DCC: variants seen among roughly 807,000 people sequenced by gnomAD.
DCC encodes netrin receptor DCC.
A neutral mutation model predicts 172.5 loss-of-function variants in DCC; 58 were observed. That is an observed-to-expected ratio of 0.34 (90% CI 0.27 to 0.42). The LOEUF is 0.42. Among genes scored for constraint, DCC ranks in the 10% least tolerant of loss-of-function variants. The pLI, the probability that DCC is intolerant of heterozygous loss-of-function variation, is 1.00. For missense variants in DCC, 1,740 were observed against 1,791.0 expected (o/e 0.97, Z 0.51); for synonymous variants, 709 against 644.5 (o/e 1.10, Z -1.52).
intron 15 of DCC, among the ~76,000 whole-genome samples, chr18:53,345,079 G>A (rs542599985): frequency 1.9e-3 from 289 of 151,600 alleles, no homozygotes; most frequent in African/African-American, 6.8e-3. Flanking sequence ...AAACATAGCT[G>A]TGTCCTAATA....
chr18:52,611,586 A>T (rs1057135568), intron 1 of DCC, among the ~76,000 whole-genome samples: 1 of 152,172 alleles, frequency 6.6e-6, no homozygotes, highest in Non-Finnish European at 1.5e-5. Flanking sequence ...TTAGATCTTC[A>T]TGTTGGGTGT....
intron 2 of DCC, among the ~76,000 whole-genome samples, chr18:52,903,780 T>C (rs1209158276): frequency 3.3e-5 from 5 of 152,242 alleles, no homozygotes; most frequent in Non-Finnish European, 5.9e-5. Flanking sequence ...TATCTGTCAC[T>C]ACTCATTGCA....
chr18:52,866,864 C>G (rs553143617), intron 2 of DCC, among the ~76,000 whole-genome samples: 70 of 152,176 alleles, frequency 4.6e-4, no homozygotes, highest in Non-Finnish European at 8.7e-4. Context: ...ATTTGAATAC[C>G]CTTTATTTTT....
At chr18:52,495,872 C>T (rs185991694) in intron 1 of DCC, among the ~76,000 whole-genome samples, 35 of 151,778 alleles carry the variant, frequency 2.3e-4, no homozygotes, top group African/African-American at 7.7e-4. Context: ...CTAACCCTGG[C>T]TGTCCGATGC....
At chr18:53,128,190 C>T (rs1200584388) in intron 7 of DCC, among the ~76,000 whole-genome samples, 1 of 152,064 alleles carries the variant, frequency 6.6e-6, no homozygotes. Flanking sequence ...TCTCACTTAC[C>T]TTAGTACGAA....
At chr18:52,542,864 A>T (rs2032501858) in intron 1 of DCC, among the ~76,000 whole-genome samples, 3 of 152,248 alleles carry the variant, frequency 2.0e-5, no homozygotes, top group South Asian at 4.1e-4. Context: ...TAGGAACAGG[A>T]TTGCAGATTT....
At position 52,908,029 on chromosome 18, in the gene DCC, C is replaced by T. The variant is rs193056291; in HGVS notation, c.697+1701C>T. On this transcript the variant is annotated intron_variant, in intron 3 of 28. Transcript: ENST00000442544. ...TTCTCTTTTAGCCGAACTTGTAAGA[C>T]TGACTTAGACGCTCTTGTGAGAATC... 4.0e-3 allele frequency among the ~76,000 whole-genome samples: 608 copies of T among 152,280 alleles called. 22 individuals carry two copies. Among genetic ancestry groups the T allele is most frequent in the Admixed American group, 0.037 (562 of 15,292 alleles).
At chr18:53,275,601 G>A (rs2056796048) in intron 12 of DCC, among the ~76,000 whole-genome samples, 1 of 151,966 alleles carries the variant, frequency 6.6e-6, no homozygotes, top group African/African-American at 2.4e-5. Context: ...TGCATTCGTA[G>A]TCAAGTAAAC....
At chr18:52,531,516 T>A (rs56332604) in intron 1 of DCC, among the ~76,000 whole-genome samples, 4,771 of 152,286 alleles carry the variant, frequency 0.031, 157 homozygotes, top group East Asian at 0.094. Flanking sequence ...TAAAAATATC[T>A]AACTTCTTTG....
intron 2 of DCC, among the ~76,000 whole-genome samples, chr18:52,838,639 C>A (rs1291532513): frequency 6.6e-6 from 1 of 152,084 alleles, no homozygotes; most frequent in Non-Finnish European, 1.5e-5. Context: ...TTACTATGAA[C>A]CAGATATTTG....
Position 53,499,502 on chromosome 18 carries a change from C to T in DCC, c.4103C>T (p.Ser1368Phe), listed in dbSNP as rs956586113. The change falls in exon 27 of 29, where the codon TCT becomes TTT. Residue 1368 changes from serine to phenylalanine, a missense_variant. Around this residue, in one of 2 missense-constraint regions of DCC, gnomAD observed 1,732 missense variants for 1,767.4 expected, o/e 0.98. Coordinates refer to ENST00000442544, the MANE Select transcript of DCC (RefSeq NM_005215.4). ...EPKVPYTPLL[S>F]QPGPTLPKTH... is the part of the protein sequence containing the mutation. ...AAAGTCCCTTACACACCACTTTTGT[C>T]TCAGCCAGGTAAAGTACTCGGTTGT... 6.2e-7 allele frequency: 1 copy of T among 1,613,224 alleles called. No individual in the cohort carries two copies. The highest frequency in any genetic ancestry group is 1.3e-5 in the African/African-American group (1 of 74,902).
At chr18:53,478,975 C>T (rs768347753) in intron 25 of DCC, among the ~76,000 whole-genome samples, 14 of 152,174 alleles carry the variant, frequency 9.2e-5, no homozygotes, top group Non-Finnish European at 1.8e-4. Flanking sequence ...TAAGATTGGT[C>T]CCAGCTCAAT....
intron 1 of DCC, among the ~76,000 whole-genome samples, chr18:52,498,610 C>A (rs963229379): frequency 1.3e-5 from 2 of 151,822 alleles, no homozygotes; most frequent in African/African-American, 4.8e-5. Flanking sequence ...GGACACAGAG[C>A]GAGACTCTGT....
rs1046427424 is a variant in DCC, at chr18:52,780,509, G to A, written c.412+28135G>A. Among the ~76,000 whole-genome samples, 9 of 152,104 alleles carry A rather than the reference G, an allele frequency of 5.9e-5. No homozygotes were observed. In the East Asian group the frequency reaches 1.7e-3, roughly 29 times the overall value. On this transcript the variant is annotated intron_variant, in intron 2 of 28. Transcript: ENST00000442544. ...AGGCATTCACATTTACTTAATCTAA[G>A]TTTTATATGACACAGGAACCTTTAG...
intron 12 of DCC, among the ~76,000 whole-genome samples, chr18:53,230,835 T>C (rs891625075): frequency 1.3e-5 from 2 of 152,086 alleles, no homozygotes; most frequent in African/African-American, 4.8e-5. Flanking sequence ...GATTGATTTT[T>C]CTCTATAGTT....
At chr18:53,259,868 C>G (rs574087998) in intron 12 of DCC, among the ~76,000 whole-genome samples, 4 of 152,032 alleles carry the variant, frequency 2.6e-5, no homozygotes, top group Non-Finnish European at 5.9e-5. Flanking sequence ...TAGATTTGGT[C>G]TTTTCACATA....
intron 1 of DCC, among the ~76,000 whole-genome samples, chr18:52,463,457 C>T (rs1988692751): frequency 6.6e-6 from 1 of 152,132 alleles, no homozygotes; most frequent in South Asian, 2.1e-4. Flanking sequence ...ATGTATTAAG[C>T]ACATACTAAG....
chr18:53,317,974 A>C lies in DCC; in HGVS notation c.2054-4073A>C, dbSNP rs190965089. ...TTTTTGAAGGGTTTTTTGTGTCTCT[A>C]TCTCCTTCATTTCTGCTCTGATCTT... On this transcript the variant is annotated intron_variant, in intron 13 of 28. Transcript: ENST00000442544. 5.0e-5 allele frequency among the ~76,000 whole-genome samples: 7 copies of C among 141,148 alleles called. No homozygotes were observed. The East Asian group carries it at 1.6e-3, about 31-fold the overall frequency. 92.6% of individuals were successfully genotyped at this position (141,148 alleles called of 152,430 possible).
chr18:52,448,394 C>T (rs954805851), intron 1 of DCC, among the ~76,000 whole-genome samples: 1 of 151,944 alleles, frequency 6.6e-6, no homozygotes, highest in Non-Finnish European at 1.5e-5. Context: ...CTTTGGTGAA[C>T]AGAGCATACA....
Sources: gnomAD v4.1 joint callset for allele counts (sites outside exome capture counted in the v4.1 genomes callset) on GRCh38, gnomAD v4.1.1 for gene constraint, gnomAD v4.1.1 regional missense constraint, MANE v1.5 for transcripts, NCBI Gene and HGNC (gene_info 2026-07-23, HGNC 2026-07-21) for gene names.